ATP10D: variants seen among roughly 807,000 people sequenced by gnomAD.
ATP10D encodes the protein ATPase phospholipid transporting 10D (putative).
In ATP10D, 89 loss-of-function variants were observed where a neutral mutation model predicts 144.8. The observed-to-expected ratio is 0.61, with a 90% CI of 0.52 to 0.73. The LOEUF (loss-of-function observed/expected upper bound fraction) is 0.73, where lower values mean the gene tolerates loss of function less well. ATP10D is among the 30% of genes least tolerant of loss of function. ATP10D has a pLI of 0.00. For synonymous variants in ATP10D, 571 were observed against 615.1 expected (o/e 0.93, Z 1.06); for missense variants, 1,603 against 1,714.8 (o/e 0.93, Z 1.15).
chr4:47,550,307 C>G (rs893366615), intron 10 of ATP10D, among the ~76,000 whole-genome samples: 4 of 152,020 alleles, frequency 2.6e-5, no homozygotes, highest in Non-Finnish European at 5.9e-5. Flanking sequence ...AAATTTAAAA[C>G]AAATTTAACA....
rs1165597724 is a variant in ATP10D at position 47,525,656 on chromosome 4, G to A, written c.776+14G>A. The stretch of plus-strand genomic sequence containing the variant: ...CCGAGGCTTCCTGTGAGTAATACAT[G>A]ATGAACATTTGTGGGTGTAAGTGGA... On this transcript the variant is annotated intron_variant, in intron 5 of 22. Transcript: ENST00000273859. The A allele has an allele frequency of 6.3e-7, 1 of 1,585,890 alleles. No individual in the cohort carries two copies. The highest frequency in any genetic ancestry group is 1.3e-5 in the African/African-American group (1 of 74,340).
At position 47,558,015 on chromosome 4, in the gene ATP10D, G is replaced by A. The variant is rs909732631; in HGVS notation, c.2176G>A (p.Glu726Lys). 14 of 1,613,986 alleles carry A rather than the reference G, an allele frequency of 8.7e-6. No individual in the cohort carries two copies. Among genetic ancestry groups the A allele is most frequent in the East Asian group, 4.5e-5 (2 of 44,888 alleles). Reference protein sequence around the residue: ...PLACNLCYEAESPDEAALVYA... With the variant: ...PLACNLCYEAKSPDEAALVYA... Reference sequence around the variant, plus strand: ...GGCCTGCAACCTGTGTTATGAGGCCGAGAGCCCAGACGAAGCGGCCTTAGT... The same window carrying A: ...GGCCTGCAACCTGTGTTATGAGGCCAAGAGCCCAGACGAAGCGGCCTTAGT... The change falls in exon 12 of 23, where the codon GAG (glutamate) becomes AAG (lysine). Residue 726 changes from glutamate (E) to lysine (K), a missense_variant. Physicochemically the swap from Glu to Lys is moderately conservative, Grantham distance 56. Coordinates refer to ENST00000273859, the MANE Select transcript of ATP10D (RefSeq NM_020453.4).
At chr4:47,564,432 A>C (rs1292114929) in intron 15 of ATP10D, among the ~76,000 whole-genome samples, 1 of 152,130 alleles carries the variant, frequency 6.6e-6, no homozygotes, top group Non-Finnish European at 1.5e-5. Flanking sequence ...TGGTACAGGA[A>C]TCTACCTCCC....
chr4:47,529,303 A>G (rs1396169346), intron 5 of ATP10D, among the ~76,000 whole-genome samples: 1 of 152,080 alleles, frequency 6.6e-6, no homozygotes, highest in African/African-American at 2.4e-5. Flanking sequence ...ATCCATCTTG[A>G]GTTAATTTTT....
Position 47,491,041 on chromosome 4 carries a change from C to G in ATP10D, c.-38+5522C>G, listed in dbSNP as rs953466506. ...CAGCTCAGGTTCCTTCCCATTGGCT[C>G]TCACAAAGTGTGCTTCTCTGGGTGG... On this transcript the variant is annotated intron_variant, in intron 1 of 22. Transcript: ENST00000273859. 5.6e-6 allele frequency: 4 copies of G among 719,628 alleles called. No homozygotes were observed. In the African/African-American group the frequency reaches 7.0e-5, roughly 13 times the overall value. 44.6% of individuals were successfully genotyped at this position (719,628 alleles called of 1,614,324 possible).
chr4:47,486,413 C>G (rs1318500483), intron 1 of ATP10D, among the ~76,000 whole-genome samples: 1 of 152,214 alleles, frequency 6.6e-6, no homozygotes, highest in African/African-American at 2.4e-5. Context: ...ATGGACAGAG[C>G]AAACCTCTAA....
rs117420374 is a variant in ATP10D, at chr4:47,578,806, C to T, written c.3568-1592C>T. Among the ~76,000 whole-genome samples, 256 of 152,126 alleles carry T rather than the reference C, an allele frequency of 1.7e-3. 3 individuals are homozygous for T. The East Asian group carries it at 0.038, about 22-fold the overall frequency. ...GATACAGAGAAAAGTGGACTGGAAACAATGAATCTTCATTGTTTTGATTTT... is the reference window on the plus strand; with the variant it reads ...GATACAGAGAAAAGTGGACTGGAAATAATGAATCTTCATTGTTTTGATTTT... On this transcript the variant is annotated intron_variant, in intron 19 of 22. Coordinates refer to ENST00000273859, the MANE Select transcript of ATP10D (RefSeq NM_020453.4).
chr4:47,523,318 C>T, intron 4 of ATP10D, 102 bp downstream of exon 4: 1 of 964,096 alleles, frequency 1.0e-6, no homozygotes, highest in Non-Finnish European at 1.6e-6. Flanking sequence ...AATTCATTTT[C>T]ACCAGGATGA....
At position 47,576,820 on chromosome 4, in the gene ATP10D, A is replaced by G; in HGVS notation, c.3414A>G (p.Ser1138=). The G allele has an allele frequency of 6.2e-7, 1 of 1,614,140 alleles. No homozygotes were observed. The highest frequency in any genetic ancestry group is 1.6e-4 in the Middle Eastern group (1 of 6,062). ...LFWYQFFCGF[S]GTSMTDYWVL... ...GGTACCAGTTCTTTTGTGGATTTTC[A>G]GGAACATCCATGACTGATTACTGGG... The change falls in exon 19 of 23, where the codon TCA becomes TCG. Residue 1138 remains serine, a synonymous_variant. Transcript: ENST00000273859.
chr4:47,487,396 G>T (rs1313582688), intron 1 of ATP10D, among the ~76,000 whole-genome samples: 1 of 152,106 alleles, frequency 6.6e-6, no homozygotes, highest in Non-Finnish European at 1.5e-5. Context: ...TTAAAAAAAT[G>T]TACACATATT....
rs56673768 is a variant in ATP10D at position 47,580,161 on chromosome 4, T to C, written c.3568-237T>C. Among the ~76,000 whole-genome samples the C allele has an allele frequency of 8.6e-3, 1,317 of 152,346 alleles. 20 individuals are homozygous for C. The highest frequency in any genetic ancestry group is 0.03 in the African/African-American group (1,236 of 41,566). On this transcript the variant is annotated intron_variant, in intron 19 of 22. Transcript: ENST00000273859. ...CTGTATTTCAGCTAGATTTAAAATT[T>C]ATCCTGTAATAAAGGCAACATGAGT... is the stretch of plus-strand genomic sequence containing the variant.
In ATP10D at chr4:47,572,194, C is replaced by T. The variant is rs1470606512; in HGVS notation, c.3204C>T (p.Asp1068=). ...ATGTTAGCATGATACAAGTGGCAGA[C>T]ATTGGGATAGGGGTCTCAGGTCAAG... is the stretch of plus-strand genomic sequence containing the variant. ...ANDVSMIQVA[D]IGIGVSGQEG... Residue 1068 remains aspartate, a synonymous_variant, in exon 17 of 23, where the codon GAC becomes GAT. Coordinates refer to ENST00000273859, the MANE Select transcript of ATP10D (RefSeq NM_020453.4). 2.5e-6 allele frequency: 4 copies of T among 1,614,076 alleles called. No homozygotes were observed. Among genetic ancestry groups the T allele is most frequent in the African/African-American group, 1.3e-5 (1 of 75,016 alleles).
At chr4:47,553,198 C>T (rs1279596497) in intron 10 of ATP10D, among the ~76,000 whole-genome samples, 1 of 152,180 alleles carries the variant, frequency 6.6e-6, no homozygotes, top group Non-Finnish European at 1.5e-5. Flanking sequence ...GCAAGGAGGT[C>T]CTTAAGGCCA....
rs759295483 is a variant in ATP10D, at chr4:47,554,876, A to G, written c.1786A>G (p.Thr596Ala). Residue 596 changes from threonine to alanine, a missense_variant, in exon 11 of 23, where the codon ACA becomes GCA. Coordinates refer to ENST00000273859, the MANE Select transcript of ATP10D (RefSeq NM_020453.4). ...DFFIALAICN[T>A]VVVSAPNQPR... ...TTTCATTGCATTGGCAATTTGCAAC[A>G]CAGTAGTGGTTTCTGCTCCTAACCA... 7 of 1,614,002 alleles carry G rather than the reference A, an allele frequency of 4.3e-6. No homozygotes were observed. The Admixed American group carries it at 1.2e-4, about 27-fold the overall frequency.
At chr4:47,525,480 G>C in intron 4 of ATP10D, 77 bp from the exon 5 acceptor site, 1 of 1,031,552 alleles carries the variant, frequency 9.7e-7, no homozygotes. Context: ...TTTAAGAATT[G>C]ATGAAAGTGA....
intron 1 of ATP10D, among the ~76,000 whole-genome samples, chr4:47,497,230 C>T (rs1715434849): frequency 6.6e-6 from 1 of 151,996 alleles, no homozygotes; most frequent in South Asian, 2.1e-4. Flanking sequence ...CTGAGGTGGG[C>T]AGATTGCCTG....
Position 47,557,882 on chromosome 4 carries a change from G to A in ATP10D, c.2043G>A (p.Glu681=). 1 of 1,614,168 alleles carries A rather than the reference G, an allele frequency of 6.2e-7. No individual in the cohort carries two copies. The highest frequency in any genetic ancestry group is 8.5e-7 in the Non-Finnish European group (1 of 1,180,024). The part of the protein sequence containing the change: ...PVEEEVSQVC[E]SPQCSSSSAC... Reference sequence around the variant, plus strand: ...AGGAAGAGGTCTCCCAGGTGTGTGAGAGCCCCCAGTGCTCCAGTAGCTCAG... The same window carrying A: ...AGGAAGAGGTCTCCCAGGTGTGTGAAAGCCCCCAGTGCTCCAGTAGCTCAG... Residue 681 remains glutamate (E), a synonymous_variant, in exon 12 of 23, where the codon GAG becomes GAA. Coordinates refer to ENST00000273859, the MANE Select transcript of ATP10D (RefSeq NM_020453.4).
intron 10 of ATP10D, among the ~76,000 whole-genome samples, chr4:47,548,277 C>G (rs528584417): frequency 3.7e-4 from 56 of 152,184 alleles, no homozygotes; most frequent in Non-Finnish European, 5.9e-4. Flanking sequence ...TTTACCTCAT[C>G]TAAAATATAT....
At position 47,512,628 on chromosome 4, in the gene ATP10D, T is replaced by C. The variant is rs745489831; in HGVS notation, c.88T>C (p.Tyr30His). 1 of 1,614,114 alleles carries C rather than the reference T, an allele frequency of 6.2e-7. No individual in the cohort carries two copies. Among genetic ancestry groups the C allele is most frequent in the Non-Finnish European group, 8.5e-7 (1 of 1,180,020 alleles). ...GGATGATGATTCAGGGCCATACAAC[T>C]ATTCCTCGTTGCTCGCCTGTGGGCG... ...TRDDDSGPYN[Y>H]SSLLACGRKS... Residue 30 changes from tyrosine (Y) to histidine (H), a missense_variant, in exon 2 of 23, where the codon TAT becomes CAT. By Grantham distance (83) the Tyr-to-His change is moderately conservative. Coordinates refer to ENST00000273859, the MANE Select transcript of ATP10D (RefSeq NM_020453.4).
Sources: allele counts gnomAD v4.1 joint callset (sites outside exome capture counted in the v4.1 genomes callset), GRCh38; gene constraint gnomAD v4.1.1; transcripts MANE v1.5; gene names NCBI Gene and HGNC (gene_info 2026-07-23, HGNC 2026-07-21).